Variants in UNC13B observed in about 807,000 individuals in gnomAD.
The protein encoded by UNC13B is unc-13 homolog B, also known as protein unc-13 homolog B.
UNC13B carries 144 observed loss-of-function variants against 211.0 expected under a neutral mutation model. The observed-to-expected ratio is 0.68, with a 90% CI of 0.60 to 0.78. The LOEUF (loss-of-function observed/expected upper bound fraction) is 0.78, where lower values mean the gene tolerates loss of function less well. UNC13B is among the 30% of genes least tolerant of loss of function. The pLI, the probability that UNC13B is intolerant of heterozygous loss-of-function variation, is 0.00. For synonymous variants in UNC13B, 709 were observed against 725.8 expected, an observed-to-expected ratio of 0.98 and a Z score of 0.37; for missense variants, 1,777 against 2,002.0, an observed-to-expected ratio of 0.89 and a Z score of 2.14.
chr9:35,382,333 G>A lies in UNC13B; in HGVS notation c.10656-24G>A, dbSNP rs767953465. On this transcript the variant is annotated intron_variant, in intron 20 of 39. Transcript: ENST00000635942. ...GCTGCAAGCCCTGAAGAGTCTTTGA[G>A]GCTGCGGGTGCTGTGTTTTTCAGGC... The A allele has an allele frequency of 5.0e-6, 8 of 1,603,898 alleles. No individual in the cohort carries two copies. The South Asian group carries it at 7.9e-5, about 16-fold the overall frequency.
chr9:35,372,057 G>A (rs919658834), intron 13 of UNC13B: 1 of 152,698 alleles, frequency 6.5e-6, no homozygotes, highest in African/African-American at 2.4e-5. Flanking sequence ...GGATCACAAG[G>A]TCAGGAGTTC....
Position 35,313,972 on chromosome 9 carries a change from C to T in UNC13B, c.9397C>T (p.Arg3133Ter), listed in dbSNP as rs992850032. 6 of 1,613,510 alleles carry T rather than the reference C, an allele frequency of 3.7e-6. No individual in the cohort carries two copies. The highest frequency in any genetic ancestry group is 2.7e-5 in the African/African-American group (2 of 74,902). The change falls in exon 11 of 40, where the codon CGA (arginine) becomes TGA (stop). Residue 3133 changes from arginine (R) to a stop codon, truncating the protein, a stop_gained. Coordinates refer to ENST00000635942, the MANE Select transcript of UNC13B (RefSeq NM_001371189.2). LOFTEE classifies it high-confidence loss of function. ...AHWIRAVTKVRLQLQEIPDDG... is the reference protein window; with the variant it reads ...AHWIRAVTKV ...TTGGATCCGAGCAGTTACCAAGGTT[C>T]GACTCCAGCTGCAGGAGGTAGGAAA...
chr9:35,263,695 A>G (rs1827407028), intron 7 of UNC13B, among the ~76,000 whole-genome samples: 1 of 152,168 alleles, frequency 6.6e-6, no homozygotes, highest in South Asian at 2.1e-4. Context: ...TTGAAGCCTC[A>G]ACACTCAATA....
chr9:35,246,230 A>T (rs1031833337), intron 6 of UNC13B, among the ~76,000 whole-genome samples: 4 of 151,092 alleles, frequency 2.6e-5, no homozygotes, highest in Admixed American at 6.6e-5. Flanking sequence ...GTTTGAGTTC[A>T]TTGTAGATTC....
chr9:35,201,656 G>T (rs897584030), intron 1 of UNC13B, among the ~76,000 whole-genome samples: 1 of 152,208 alleles, frequency 6.6e-6, no homozygotes, highest in African/African-American at 2.4e-5. Flanking sequence ...ATGGTAGTTT[G>T]TATTTCTGTG....
At chr9:35,355,806 A>G (rs1376221088) in intron 11 of UNC13B, among the ~76,000 whole-genome samples, 10 of 152,238 alleles carry the variant, frequency 6.6e-5, no homozygotes, top group Admixed American at 6.5e-4. Context: ...CCAGGCAATG[A>G]GAAATTATTT....
Position 35,200,118 on chromosome 9 carries a change from T to G in UNC13B, c.23-27897T>G, listed in dbSNP as rs536653771. ...AGGGAATCCTTTTCCCATTTCTTGT[T>G]TTTGTCAGGTTTGTCAAAGATCAGA... On this transcript the variant is annotated intron_variant, in intron 1 of 39. Transcript: ENST00000635942. 5.6e-3 allele frequency among the ~76,000 whole-genome samples: 855 copies of G among 152,342 alleles called. 9 individuals carry two copies. The highest frequency in any genetic ancestry group is 7.2e-3 in the Non-Finnish European group (487 of 68,022).
In UNC13B at chr9:35,291,724, T is replaced by C. The variant is rs112246000; in HGVS notation, c.527-3972T>C. ...GCAGCCAGTTCTTTGTGGCAAAACA[T>C]GTAGCCCTAGGCTGACATTACTGGT... On this transcript the variant is annotated intron_variant, in intron 7 of 39. Coordinates refer to ENST00000635942, the MANE Select transcript of UNC13B (RefSeq NM_001371189.2). 6.1e-3 allele frequency among the ~76,000 whole-genome samples: 924 copies of C among 152,284 alleles called. 4 individuals carry two copies. Among genetic ancestry groups the C allele is most frequent in the African/African-American group, 0.021 (872 of 41,550 alleles).
chr9:35,257,580 CAAAAAAAAAAAAAAA>C (rs1160474466), intron 6 of UNC13B, among the ~76,000 whole-genome samples: 5 of 36,378 alleles, frequency 1.4e-4, no homozygotes, highest in Admixed American at 5.0e-4. Flanking sequence ...GAATCTGTAT[CAAAAAAAAAAAAAAA>C]AAAAAAAAAA....
At chr9:35,369,553 T>C (rs992905715) in intron 12 of UNC13B, among the ~76,000 whole-genome samples, 2 of 152,186 alleles carry the variant, frequency 1.3e-5, no homozygotes, top group Non-Finnish European at 2.9e-5. Context: ...ATAGAAAAGG[T>C]GTAAAAGTTT....
At chr9:35,246,530 A>G (rs891940197) in intron 6 of UNC13B, among the ~76,000 whole-genome samples, 2 of 152,156 alleles carry the variant, frequency 1.3e-5, no homozygotes, top group Non-Finnish European at 2.9e-5. Context: ...TTTTTGTATA[A>G]GGTGTAAGGA....
chr9:35,220,959 G>C (rs989538243), intron 1 of UNC13B, among the ~76,000 whole-genome samples: 7 of 152,176 alleles, frequency 4.6e-5, no homozygotes, highest in African/African-American at 1.7e-4. Flanking sequence ...TTTAACTGGG[G>C]TGAGATGATA....
At chr9:35,327,184 C>G (rs1831066138) in intron 11 of UNC13B, among the ~76,000 whole-genome samples, 1 of 152,094 alleles carries the variant, frequency 6.6e-6, no homozygotes, top group African/African-American at 2.4e-5. Context: ...AAGTAGCTTG[C>G]CTAGTTGGTC....
At chr9:35,317,201 T>C (rs1036815360) in intron 11 of UNC13B, among the ~76,000 whole-genome samples, 3 of 152,002 alleles carry the variant, frequency 2.0e-5, no homozygotes, top group Non-Finnish European at 4.4e-5. Flanking sequence ...CAAACAAATG[T>C]TTGTTTATTT....
At chr9:35,168,364 C>A (rs1821156203) in intron 1 of UNC13B, among the ~76,000 whole-genome samples, 1 of 152,104 alleles carries the variant, frequency 6.6e-6, no homozygotes, top group Admixed American at 6.5e-5. Context: ...CAGCATAATA[C>A]CCAAATAGGT....
At chr9:35,391,190 C>G (rs1038565696) in intron 26 of UNC13B, among the ~76,000 whole-genome samples, 1 of 152,220 alleles carries the variant, frequency 6.6e-6, no homozygotes, top group African/African-American at 2.4e-5. Flanking sequence ...TCCCTCACTT[C>G]TCCTATAGAG....
rs1564183401 is a variant in UNC13B, at chr9:35,381,177, G to T, written c.10453G>T (p.Val3485Leu). The change falls in exon 19 of 40, where the codon GTA becomes TTA. Residue 3485 changes from valine to leucine, a missense_variant. Val to Leu is a conservative substitution (Grantham distance 32, BLOSUM62 1). Transcript: ENST00000635942. ...TGTGGAGATCAAGGGGGAGGAGAAA[G>T]TAGCCCCATACCACGTGCAGTATAC... ...ISVEIKGEEKVAPYHVQYTCL... is the reference protein window; with the variant it reads ...ISVEIKGEEKLAPYHVQYTCL... The T allele has an allele frequency of 6.2e-7, 1 of 1,613,742 alleles. No individual in the cohort carries two copies.
intron 1 of UNC13B, among the ~76,000 whole-genome samples, chr9:35,165,135 G>C (rs1820965120): frequency 6.6e-6 from 1 of 152,208 alleles, no homozygotes; most frequent in African/African-American, 2.4e-5. Context: ...AAGAGGAAGA[G>C]GATCACGATA....
intron 37 of UNC13B, among the ~76,000 whole-genome samples, chr9:35,401,709 T>C (rs1836311572): frequency 6.6e-6 from 1 of 152,216 alleles, no homozygotes; most frequent in Non-Finnish European, 1.5e-5. Context: ...ACCTCCTCTC[T>C]GTATTTTTCT....
Sources: gnomAD v4.1 joint callset for allele counts (sites outside exome capture counted in the v4.1 genomes callset) on GRCh38, gnomAD v4.1.1 for gene constraint, MANE v1.5 for transcripts, NCBI Gene and HGNC (gene_info 2026-07-23, HGNC 2026-07-21) for gene names.